The following NTN4 variants were observed in gnomAD, a reference collection of about 807,000 sequenced individuals.
NTN4 encodes the protein netrin 4.
Under a neutral mutation model 73.6 loss-of-function variants are expected in NTN4, and 32 were observed. That is an observed-to-expected ratio of 0.44 (90% CI 0.33 to 0.58). The LOEUF (loss-of-function observed/expected upper bound fraction) is 0.58. Among genes scored for constraint, NTN4 ranks in the 20% least tolerant of loss-of-function variants. NTN4 has a pLI of 0.04. For missense variants in NTN4, 654 were observed against 798.3 expected (o/e 0.82, Z 2.18); for synonymous variants, 258 against 287.5 (o/e 0.90, Z 1.04).
At chr12:95,771,963 A>G (rs754006255) in intron 2 of NTN4, among the ~76,000 whole-genome samples, 1 of 152,150 alleles carries the variant, frequency 6.6e-6, no homozygotes, top group African/African-American at 2.4e-5. Flanking sequence ...CATTCTGACT[A>G]TGGTAACCCA....
In NTN4 at chr12:95,738,048, G is replaced by T. The variant is rs1487274220; in HGVS notation, c.682C>A (p.Leu228Met). Residue 228 changes from leucine to methionine, a missense_variant, in exon 3 of 10, where the codon CTG becomes ATG. By Grantham distance (15) the Leu-to-Met change is conservative (BLOSUM62 2). Transcript: ENST00000343702. ...CAGGGACAAGACTGTCGTTTCAGCAGCTGCACGCGAAGGTTGGTGATCTTC... is the reference window on the plus strand; with the variant it reads ...CAGGGACAAGACTGTCGTTTCAGCATCTGCACGCGAAGGTTGGTGATCTTC... The part of the protein sequence containing the change: ...QLKITNLRVQ[L>M]LKRQSCPCQR... 1.2e-6 allele frequency: 2 copies of T among 1,614,054 alleles called. No homozygotes were observed. Among genetic ancestry groups the T allele is most frequent in the Non-Finnish European group, 1.7e-6 (2 of 1,180,016 alleles).
intron 2 of NTN4, among the ~76,000 whole-genome samples, chr12:95,750,291 C>T (rs2078896824): frequency 6.6e-6 from 1 of 151,934 alleles, no homozygotes; most frequent in Non-Finnish European, 1.5e-5. Flanking sequence ...CGCCGAACCC[C>T]TTCTCTCTGT....
At chr12:95,761,222 A>G (rs2078984431) in intron 2 of NTN4, among the ~76,000 whole-genome samples, 1 of 152,132 alleles carries the variant, frequency 6.6e-6, no homozygotes, top group African/African-American at 2.4e-5. Flanking sequence ...ATACTCTTCC[A>G]TGCTTCAGTC....
chr12:95,786,228 A>C (rs139355673), intron 2 of NTN4, among the ~76,000 whole-genome samples: 10 of 152,248 alleles, frequency 6.6e-5, no homozygotes, highest in African/African-American at 2.4e-4. Flanking sequence ...CTCTGTTCTC[A>C]TACACCTGAG....
intron 2 of NTN4, among the ~76,000 whole-genome samples, chr12:95,754,431 T>G (rs1386561248): frequency 6.6e-6 from 1 of 152,198 alleles, no homozygotes; most frequent in African/African-American, 2.4e-5. Flanking sequence ...TTGTTTTATT[T>G]TTCTTATTAA....
Position 95,707,670 on chromosome 12 carries a change from C to A in NTN4, c.1180+2771G>T, listed in dbSNP as rs143417155. 4.3e-4 allele frequency among the ~76,000 whole-genome samples: 65 copies of A among 152,272 alleles called. 1 individual carries two copies. The highest frequency in any genetic ancestry group is 1.5e-3 in the African/African-American group (63 of 41,554). On this transcript the variant is annotated intron_variant, in intron 5 of 9. Transcript: ENST00000343702. ...GTCTCCTCTATCAGAATATAAGCTC[C>A]TTGAGGGCAAGGATCTTTGTCTTAT...
chr12:95,663,873 G>C (rs2078157869), intron 9 of NTN4, among the ~76,000 whole-genome samples: 1 of 152,070 alleles, frequency 6.6e-6, no homozygotes, highest in Non-Finnish European at 1.5e-5. Flanking sequence ...TGTTTTTAAT[G>C]TCTCACTAAA....
At chr12:95,734,763 G>C (rs1187591968) in intron 3 of NTN4, among the ~76,000 whole-genome samples, 1 of 152,208 alleles carries the variant, frequency 6.6e-6, no homozygotes, top group African/African-American at 2.4e-5. Flanking sequence ...ATTCAGGCTG[G>C]GTGTGGTGGC....
Position 95,682,277 on chromosome 12 carries a change from C to T in NTN4, c.1510+430G>A, listed in dbSNP as rs2120986498. Among the ~76,000 whole-genome samples the T allele has an allele frequency of 1.3e-5, 2 of 151,680 alleles. 1 individual carries two copies. Among genetic ancestry groups the T allele is most frequent in the South Asian group, 4.2e-4 (2 of 4,794 alleles). ...CTATGTTTCCCAGGCTGGTCTTGAA[C>T]TCTTAGCCTTAAGCAATCCTTCTGC... On this transcript the variant is annotated intron_variant, in intron 7 of 9. Coordinates refer to ENST00000343702, the MANE Select transcript of NTN4 (RefSeq NM_021229.4).
intron 3 of NTN4, among the ~76,000 whole-genome samples, chr12:95,734,619 C>T (rs2078761835): frequency 6.6e-6 from 1 of 152,202 alleles, no homozygotes; most frequent in African/African-American, 2.4e-5. Flanking sequence ...CAGCCGTGTA[C>T]ATAAAATAAA....
chr12:95,698,060 G>A (rs1166070231), intron 5 of NTN4, among the ~76,000 whole-genome samples: 1 of 152,132 alleles, frequency 6.6e-6, no homozygotes, highest in Non-Finnish European at 1.5e-5. Context: ...GTATACAGGG[G>A]GGTGTGCATA....
At chr12:95,726,059 T>G (rs1047048591) in intron 3 of NTN4, among the ~76,000 whole-genome samples, 1 of 152,148 alleles carries the variant, frequency 6.6e-6, no homozygotes, top group Non-Finnish European at 1.5e-5. Flanking sequence ...TGTTTGTTTT[T>G]CTGTTTTTGT....
intron 2 of NTN4, among the ~76,000 whole-genome samples, chr12:95,769,826 C>T (rs1041134059): frequency 8.7e-5 from 13 of 150,090 alleles, no homozygotes; most frequent in African/African-American, 9.8e-5. Flanking sequence ...GTGTGATCTC[C>T]GCTCACTGCA....
chr12:95,689,684 C>T (rs2078387728), intron 5 of NTN4, among the ~76,000 whole-genome samples: 1 of 152,186 alleles, frequency 6.6e-6, no homozygotes, highest in Admixed American at 6.5e-5. Flanking sequence ...CCACCCCTTC[C>T]CACCTCACCA....
intron 9 of NTN4, among the ~76,000 whole-genome samples, chr12:95,663,246 T>C (rs1471862797): frequency 2.0e-5 from 3 of 152,178 alleles, no homozygotes; most frequent in South Asian, 2.1e-4. Flanking sequence ...ATAAGTTAAA[T>C]TGATAAAAAC....
At chr12:95,687,412 GT>G (rs71435780) in intron 5 of NTN4, among the ~76,000 whole-genome samples, 23 of 104,596 alleles carry the variant, frequency 2.2e-4, no homozygotes, top group East Asian at 9.1e-4. Flanking sequence ...TTGTTTTTTT[GT>G]TTTTTGTGAT....
At chr12:95,761,626 C>T (rs1323971861) in intron 2 of NTN4, among the ~76,000 whole-genome samples, 1 of 152,108 alleles carries the variant, frequency 6.6e-6, no homozygotes, top group African/African-American at 2.4e-5. Context: ...AGCCACCGTG[C>T]CCAGCCCAAA....
chr12:95,684,295 G>A (rs1233961895), intron 5 of NTN4, among the ~76,000 whole-genome samples: 1 of 151,976 alleles, frequency 6.6e-6, no homozygotes, highest in Non-Finnish European at 1.5e-5. Flanking sequence ...TAGCTCTTTT[G>A]AGGAGCTTTG....
intron 2 of NTN4, among the ~76,000 whole-genome samples, chr12:95,747,698 T>C (rs2078872201): frequency 6.6e-6 from 1 of 152,188 alleles, no homozygotes; most frequent in African/African-American, 2.4e-5. Flanking sequence ...TTCTCAATAA[T>C]GTTACTGAAT....
Sources: allele counts gnomAD v4.1 joint callset (sites outside exome capture counted in the v4.1 genomes callset), GRCh38; gene constraint gnomAD v4.1.1; transcripts MANE v1.5; gene names NCBI Gene and HGNC (gene_info 2026-07-23, HGNC 2026-07-21).